The following HDAC4 variants were observed in gnomAD, a reference collection of about 807,000 sequenced individuals.
HDAC4 encodes histone deacetylase 4, also known as histone deacetylase A.
HDAC4 carries 16 observed loss-of-function variants against 135.1 expected under a neutral mutation model. The ratio of observed to expected loss-of-function variants is 0.12; its 90% CI spans 0.08 to 0.18. HDAC4 has a LOEUF of 0.18. Ranked by LOEUF, HDAC4 falls within the 10% of genes least tolerant of loss-of-function variation. The probability of loss-of-function intolerance (pLI) is 1.00; values close to 1 mark genes in which losing one functional copy is unlikely to be tolerated. For synonymous variants in HDAC4, 685 were observed against 653.4 expected (o/e 1.05, Z -0.74); for missense variants, 1,143 against 1,511.8 (o/e 0.76, Z 4.05).
At chr2:239,314,033 A>G (rs1019009648) in intron 2 of HDAC4, among the ~76,000 whole-genome samples, 1 of 152,168 alleles carries the variant, frequency 6.6e-6, no homozygotes, top group African/African-American at 2.4e-5. Context: ...AAATCGAGAG[A>G]GGACTCCCCT....
chr2:239,204,838 T>G (rs1465292829), intron 3 of HDAC4, among the ~76,000 whole-genome samples: 1 of 152,190 alleles, frequency 6.6e-6, no homozygotes, highest in Non-Finnish European at 1.5e-5. Flanking sequence ...GGGCCTCTGA[T>G]GGCCCCTTCC....
chr2:239,161,904 G>A (rs1252721873), intron 6 of HDAC4: 6 of 364,636 alleles, frequency 1.6e-5, no homozygotes, highest in Non-Finnish European at 2.7e-5. Flanking sequence ...TTCTTCTCCC[G>A]TGGCCTCCTT....
intron 2 of HDAC4, among the ~76,000 whole-genome samples, chr2:239,251,962 C>T (rs2048807400): frequency 6.6e-6 from 1 of 152,160 alleles, no homozygotes; most frequent in Non-Finnish European, 1.5e-5. Context: ...CCTTTTTATA[C>T]AACAGAAGCT....
intron 2 of HDAC4, among the ~76,000 whole-genome samples, chr2:239,348,576 G>A (rs952662968): frequency 5.3e-5 from 8 of 152,244 alleles, no homozygotes; most frequent in African/African-American, 1.9e-4. Flanking sequence ...AGCTTGTCCT[G>A]CCAGCAGGCC....
At chr2:239,288,642 A>G (rs1297945820) in intron 2 of HDAC4, among the ~76,000 whole-genome samples, 1 of 151,998 alleles carries the variant, frequency 6.6e-6, no homozygotes, top group Non-Finnish European at 1.5e-5. Flanking sequence ...AATTCCAAAA[A>G]CTAGCAAGGG....
rs559018897 is a variant in HDAC4 at position 239,310,934 on chromosome 2, C to A, written c.22+41744G>T. On this transcript the variant is annotated intron_variant, in intron 2 of 26. Transcript: ENST00000543185. ...GCCACCGGCCATTTAAGAAAACGAA[C>A]CCTGACGTTAACCTGCTTGAGCCCT... Among the ~76,000 whole-genome samples, 7 of 152,330 alleles carry A rather than the reference C, an allele frequency of 4.6e-5. No homozygotes were observed. In the East Asian group the frequency reaches 1.4e-3, roughly 29 times the overall value.
chr2:239,208,326 C>CAAAAAAAAAAAAAAA (rs759398313), intron 3 of HDAC4, among the ~76,000 whole-genome samples: 25 of 68,184 alleles, frequency 3.7e-4, no homozygotes, highest in East Asian at 2.5e-3. Context: ...GACTCCGTCC[C>CAAAAAAAAAAAAAAA]AAAAAAAAAA....
chr2:239,280,547 A>G (rs1476279795), intron 2 of HDAC4, among the ~76,000 whole-genome samples: 1 of 152,172 alleles, frequency 6.6e-6, no homozygotes, highest in African/African-American at 2.4e-5. Flanking sequence ...TGAAGCCTCC[A>G]AGCAACTTAA....
intron 3 of HDAC4, among the ~76,000 whole-genome samples, chr2:239,229,135 G>A (rs990985642): frequency 3.3e-5 from 5 of 152,174 alleles, no homozygotes; most frequent in Admixed American, 2.0e-4. Context: ...AGTCAACACA[G>A]TGAGACTCTA....
chr2:239,383,701 A>C (rs1695580589), intron 1 of HDAC4, among the ~76,000 whole-genome samples: 1 of 150,102 alleles, frequency 6.7e-6, no homozygotes, highest in African/African-American at 2.4e-5. Flanking sequence ...CTCTCACTCA[A>C]GGGCGTGGGG....
chr2:239,346,538 AAC>A (rs1411648585), intron 2 of HDAC4, among the ~76,000 whole-genome samples: 1 of 132,552 alleles, frequency 7.5e-6, no homozygotes, highest in African/African-American at 2.7e-5. Flanking sequence ...CACACCCTAA[AAC>A]ACACAAACAC....
intron 2 of HDAC4, among the ~76,000 whole-genome samples, chr2:239,278,928 G>C (rs558397848): frequency 6.6e-6 from 1 of 152,274 alleles, no homozygotes; most frequent in Non-Finnish European, 1.5e-5. Context: ...TGGAGCCCAA[G>C]AGCTCGAGGC....
chr2:239,199,409 AG>A (rs1333727729), intron 3 of HDAC4, among the ~76,000 whole-genome samples: 1 of 152,224 alleles, frequency 6.6e-6, no homozygotes, highest in Non-Finnish European at 1.5e-5. Flanking sequence ...ATGTGTTAGC[AG>A]GACCATTTCT....
intron 1 of HDAC4, among the ~76,000 whole-genome samples, chr2:239,392,310 C>T (rs909428978): frequency 6.6e-6 from 1 of 152,258 alleles, no homozygotes; most frequent in African/African-American, 2.4e-5. Flanking sequence ...TTGATGCATC[C>T]TTCTGACCTG....
chr2:239,332,581 T>C (rs1691658278), intron 2 of HDAC4, among the ~76,000 whole-genome samples: 1 of 151,570 alleles, frequency 6.6e-6, no homozygotes, highest in Non-Finnish European at 1.5e-5. Flanking sequence ...GCGAAAGCCA[T>C]ACATAGGTGG....
intron 2 of HDAC4, among the ~76,000 whole-genome samples, chr2:239,341,747 A>C (rs1485187111): frequency 6.6e-6 from 1 of 152,260 alleles, no homozygotes; most frequent in Non-Finnish European, 1.5e-5. Context: ...AAACTAATTG[A>C]AAGAAAACCA....
intron 2 of HDAC4, among the ~76,000 whole-genome samples, chr2:239,286,023 CAA>C (rs2051117488): frequency 6.6e-6 from 1 of 152,126 alleles, no homozygotes; most frequent in African/African-American, 2.4e-5. Context: ...GCAAACACAT[CAA>C]AAGACAGTCA....
chr2:239,072,701 C>A (rs182203811), intron 22 of HDAC4, among the ~76,000 whole-genome samples: 1 of 152,372 alleles, frequency 6.6e-6, no homozygotes, highest in Admixed American at 6.5e-5. Flanking sequence ...AAAACTTTTT[C>A]ATTCAGCTTT....
chr2:239,157,766 G>C (rs751601034), intron 6 of HDAC4, among the ~76,000 whole-genome samples: 1 of 152,240 alleles, frequency 6.6e-6, no homozygotes, highest in Non-Finnish European at 1.5e-5. Flanking sequence ...TTTGAATTAA[G>C]AATGGGAGCT....
Sources: allele counts gnomAD v4.1 joint callset (sites outside exome capture counted in the v4.1 genomes callset), GRCh38; gene constraint gnomAD v4.1.1; transcripts MANE v1.5; gene names NCBI Gene and HGNC (gene_info 2026-07-23, HGNC 2026-07-21).